CHST9: variants seen among roughly 807,000 people sequenced by gnomAD.
The protein encoded by CHST9 is carbohydrate sulfotransferase 9.
Under a neutral mutation model 44.4 loss-of-function variants are expected in CHST9, and 41 were observed. The ratio of observed to expected loss-of-function variants is 0.92; its 90% CI spans 0.72 to 1.20. The LOEUF (loss-of-function observed/expected upper bound fraction) is 1.20, where lower values mean the gene tolerates loss of function less well. Ranked by LOEUF, CHST9 falls within the 50% of genes most tolerant of loss-of-function variation. The pLI is 0.00. For synonymous variants in CHST9, 171 were observed against 178.4 expected (o/e 0.96, Z 0.33); for missense variants, 504 against 516.5 (o/e 0.98, Z 0.23).
intron 4 of CHST9, among the ~76,000 whole-genome samples, chr18:27,016,610 C>A (rs1032496381): frequency 6.6e-6 from 1 of 152,166 alleles, no homozygotes; most frequent in Admixed American, 6.5e-5. Context: ...GTATATCCAG[C>A]GCCTAGCACA....
At chr18:27,097,373 T>C (rs569720591) in intron 2 of CHST9, among the ~76,000 whole-genome samples, 17 of 152,102 alleles carry the variant, frequency 1.1e-4, no homozygotes, top group African/African-American at 3.9e-4. Context: ...CTATTCAACA[T>C]AGTACTGGAA....
At chr18:27,163,666 C>T (rs1026809063) in intron 1 of CHST9, among the ~76,000 whole-genome samples, 4 of 152,156 alleles carry the variant, frequency 2.6e-5, no homozygotes, top group Admixed American at 1.3e-4. Context: ...ACTGGAAAAG[C>T]GCATTATTAG....
At chr18:27,115,173 T>A (rs2058309538) in intron 2 of CHST9, among the ~76,000 whole-genome samples, 1 of 152,272 alleles carries the variant, frequency 6.6e-6, no homozygotes, top group South Asian at 2.1e-4. Flanking sequence ...CAATTAAACC[T>A]CTTTCCTTTA....
At chr18:27,113,529 T>C (rs769157625) in intron 2 of CHST9, among the ~76,000 whole-genome samples, 1 of 152,170 alleles carries the variant, frequency 6.6e-6, no homozygotes, top group Non-Finnish European at 1.5e-5. Flanking sequence ...CCCCAAGGCC[T>C]TGGGAGGTAA....
chr18:27,184,903 C>G (rs899141234), intron 1 of CHST9, among the ~76,000 whole-genome samples: 3 of 152,104 alleles, frequency 2.0e-5, no homozygotes, highest in Non-Finnish European at 4.4e-5. Context: ...TCCCGCCCCC[C>G]ACCTCCCGCC....
At chr18:27,060,572 C>T (rs1465080880) in intron 2 of CHST9, among the ~76,000 whole-genome samples, 2 of 152,066 alleles carry the variant, frequency 1.3e-5, no homozygotes, top group African/African-American at 4.8e-5. Flanking sequence ...AAGATTTGCA[C>T]AAGACTAAGA....
At chr18:26,984,058 A>G (rs2056725252) in intron 4 of CHST9, among the ~76,000 whole-genome samples, 1 of 152,200 alleles carries the variant, frequency 6.6e-6, no homozygotes, top group African/African-American at 2.4e-5. Flanking sequence ...TTTTGCTGAC[A>G]TTGACTTAAG....
At chr18:26,975,724 T>G (rs2056613247) in intron 4 of CHST9, among the ~76,000 whole-genome samples, 1 of 54,098 alleles carries the variant, frequency 1.8e-5, no homozygotes, top group Non-Finnish European at 3.5e-5. Flanking sequence ...TGTGTGTGTG[T>G]GTATATATAT....
chr18:27,031,509 A>G (rs1472215135), intron 3 of CHST9, among the ~76,000 whole-genome samples: 1 of 152,204 alleles, frequency 6.6e-6, no homozygotes, highest in Non-Finnish European at 1.5e-5. Context: ...TCCTTAGCAC[A>G]TCAAATTACA....
chr18:27,058,207 G>A (rs1167098426), intron 2 of CHST9, among the ~76,000 whole-genome samples: 1 of 152,224 alleles, frequency 6.6e-6, no homozygotes, highest in Non-Finnish European at 1.5e-5. Flanking sequence ...GTGAGCATTT[G>A]TACTTTCCTC....
intron 1 of CHST9, among the ~76,000 whole-genome samples, chr18:27,173,289 GT>G (rs908236400): frequency 8.5e-5 from 13 of 152,080 alleles, no homozygotes; most frequent in Non-Finnish European, 1.3e-4. Context: ...TCTTCCTGAA[GT>G]TGCAGAGTTG....
At chr18:27,053,212 G>GAAGAAAGAACAA (rs2057598583) in intron 2 of CHST9, among the ~76,000 whole-genome samples, 1 of 49,814 alleles carries the variant, frequency 2.0e-5, no homozygotes, top group African/African-American at 7.2e-5. Flanking sequence ...AAGAAGAGGA[G>GAAGAAAGAACAA]GAAGAGGAAG....
At chr18:27,026,378 G>T (rs1330125647) in intron 3 of CHST9, among the ~76,000 whole-genome samples, 2 of 152,084 alleles carry the variant, frequency 1.3e-5, no homozygotes, top group African/African-American at 4.8e-5. Flanking sequence ...ACCTAGTTTA[G>T]TCTTATGCAT....
At chr18:27,135,252 G>A (rs931677589) in intron 2 of CHST9, among the ~76,000 whole-genome samples, 24 of 152,124 alleles carry the variant, frequency 1.6e-4, no homozygotes, top group Non-Finnish European at 2.9e-4. Flanking sequence ...GTAGTGAACC[G>A]TTTCATATTG....
At position 27,048,472 on chromosome 18, in the gene CHST9, T is replaced by C; in HGVS notation, c.153A>G (p.Val51=). The change falls in exon 3 of 6, where the codon GTA becomes GTG. Residue 51 remains valine (V), a synonymous_variant. Transcript: ENST00000618847. ...CATTGGACAAAATCTTACCTGAAGT[T>C]ACTTTTTGTTCTCTTCTCTTCTCCA... ...GRVEKRREQK[V]TSGWGPVKYL... 1.2e-6 allele frequency: 2 copies of C among 1,607,764 alleles called. No individual in the cohort carries two copies. Among genetic ancestry groups the C allele is most frequent in the Non-Finnish European group, 8.5e-7 (1 of 1,177,100 alleles).
intron 4 of CHST9, among the ~76,000 whole-genome samples, chr18:26,997,665 G>A (rs575598633): frequency 1.3e-5 from 2 of 152,288 alleles, no homozygotes; most frequent in Admixed American, 6.5e-5. Flanking sequence ...GCCATTCCAC[G>A]ACATCACCCT....
intron 5 of CHST9, chr18:26,935,575 CAT>C (rs893443227): frequency 9.2e-5 from 14 of 152,176 alleles, no homozygotes; most frequent in African/African-American, 3.1e-4. Context: ...AATCATTCAA[CAT>C]AGTAAATTAC....
chr18:27,074,278 T>C (rs527324786), intron 2 of CHST9, among the ~76,000 whole-genome samples: 6 of 152,298 alleles, frequency 3.9e-5, no homozygotes, highest in African/African-American at 1.4e-4. Flanking sequence ...TCAAATTCAT[T>C]TTCTTTTCTT....
chr18:26,925,387 C>A (rs1359247137), intron 5 of CHST9, among the ~76,000 whole-genome samples: 1 of 152,174 alleles, frequency 6.6e-6, no homozygotes, highest in Non-Finnish European at 1.5e-5. Context: ...AGATTAAGAA[C>A]CTGAGCTCAG....
Sources: gnomAD v4.1 joint callset for allele counts (sites outside exome capture counted in the v4.1 genomes callset) on GRCh38, gnomAD v4.1.1 for gene constraint, MANE v1.5 for transcripts, NCBI Gene and HGNC (gene_info 2026-07-23, HGNC 2026-07-21) for gene names.